CAMTA1: variants seen among roughly 807,000 people sequenced by gnomAD.
CAMTA1 encodes the protein calmodulin-binding transcription activator 1.
CAMTA1 carries 27 observed loss-of-function variants against 170.9 expected under a neutral mutation model. That is an observed-to-expected ratio of 0.16 (90% CI 0.12 to 0.22). CAMTA1 has a LOEUF of 0.22. Ranked by LOEUF, CAMTA1 falls within the 10% of genes least tolerant of loss-of-function variation. The pLI is 1.00. For synonymous variants in CAMTA1, 833 were observed against 891.5 expected, an observed-to-expected ratio of 0.93 and a Z score of 1.17; for missense variants, 1,619 against 2,217.2, an observed-to-expected ratio of 0.73 and a Z score of 5.42.
intron 6 of CAMTA1, among the ~76,000 whole-genome samples, chr1:7,612,949 C>T (rs1227460787): frequency 6.6e-6 from 1 of 152,246 alleles, no homozygotes; most frequent in Non-Finnish European, 1.5e-5. Flanking sequence ...CCCCATCACC[C>T]TGTGGGTTGG....
At position 7,463,580 on chromosome 1, in the gene CAMTA1, G is replaced by A. The variant is rs1377071613; in HGVS notation, c.439-4250G>A. On this transcript the variant is annotated intron_variant, in intron 5 of 22. Coordinates refer to ENST00000303635, the MANE Select transcript of CAMTA1 (RefSeq NM_015215.4). The surrounding 1 kb of genome is among the most constrained non-coding windows in gnomAD (Gnocchi z 4.7). The stretch of plus-strand genomic sequence containing the variant: ...AAGATGAGACAGATACAGAGATAGA[G>A]AAAGATAGAGACGGAAGAAGAGAGA... Among the ~76,000 whole-genome samples, 1 of 152,138 alleles carries A rather than the reference G, an allele frequency of 6.6e-6. No homozygotes were observed. The highest frequency in any genetic ancestry group is 1.5e-5 in the Non-Finnish European group (1 of 68,036).
chr1:7,135,348 A>C (rs570343783), intron 4 of CAMTA1, among the ~76,000 whole-genome samples: 16 of 152,328 alleles, frequency 1.1e-4, no homozygotes, highest in Admixed American at 8.5e-4. Context: ...AGATTGTGCC[A>C]CTGCACTCCA....
intron 3 of CAMTA1, among the ~76,000 whole-genome samples, chr1:6,844,318 A>G (rs1289190172): frequency 6.6e-6 from 1 of 152,118 alleles, no homozygotes; most frequent in African/African-American, 2.4e-5. Flanking sequence ...GCACACATAC[A>G]CACAAATATA....
intron 6 of CAMTA1, among the ~76,000 whole-genome samples, chr1:7,503,609 G>A (rs772991474): frequency 2.0e-5 from 3 of 152,220 alleles, no homozygotes; most frequent in Admixed American, 6.5e-5. Flanking sequence ...AGGCCTGACA[G>A]TGGCCAGGCT....
At chr1:7,637,793 C>T (rs1263533138) in intron 6 of CAMTA1, among the ~76,000 whole-genome samples, 1 of 152,150 alleles carries the variant, frequency 6.6e-6, no homozygotes, top group East Asian at 1.9e-4. Context: ...CCTGCCCTGC[C>T]CTACCCTGCC....
intron 6 of CAMTA1, among the ~76,000 whole-genome samples, chr1:7,484,652 G>T (rs2093592495): frequency 6.6e-6 from 1 of 152,180 alleles, no homozygotes; most frequent in African/African-American, 2.4e-5. Flanking sequence ...AGCCAGGCAT[G>T]GTGGTGGACA....
At chr1:7,256,084 G>A (rs1267022154) in intron 5 of CAMTA1, among the ~76,000 whole-genome samples, 1 of 152,148 alleles carries the variant, frequency 6.6e-6, no homozygotes, top group Non-Finnish European at 1.5e-5. Flanking sequence ...ATACTAACAA[G>A]TTAAAACTTA....
intron 4 of CAMTA1, among the ~76,000 whole-genome samples, chr1:7,178,996 G>A (rs1197453135): frequency 6.6e-6 from 1 of 152,222 alleles, no homozygotes; most frequent in Non-Finnish European, 1.5e-5. Flanking sequence ...CAGGATTCAT[G>A]TATACTTATT....
chr1:7,630,618 T>G (rs1431638552), intron 6 of CAMTA1, among the ~76,000 whole-genome samples: 1 of 152,206 alleles, frequency 6.6e-6, no homozygotes, highest in East Asian at 1.9e-4. Context: ...CCAGCCTCCC[T>G]CCAAAGCAGG....
At chr1:6,853,239 A>G (rs1661091833) in intron 3 of CAMTA1, 3 of 152,218 alleles carry the variant, frequency 2.0e-5, no homozygotes, top group Admixed American at 2.0e-4. Context: ...GTGGTTTAAA[A>G]TACACATAGA....
chr1:7,584,794 C>T lies in CAMTA1; in HGVS notation c.511-55606C>T, dbSNP rs896458175. 2.0e-5 allele frequency among the ~76,000 whole-genome samples: 3 copies of T among 152,154 alleles called. No individual in the cohort carries two copies. In the East Asian group the frequency reaches 5.8e-4, roughly 29 times the overall value. On this transcript the variant is annotated intron_variant, in intron 6 of 22. Coordinates refer to ENST00000303635, the MANE Select transcript of CAMTA1 (RefSeq NM_015215.4). ...ATCTGGCAGTGTCTGGAGATGCTAT[C>T]GGTTGTCACAGCTGAGGGTGGGGCT...
chr1:7,052,923 C>T (rs371225945), intron 3 of CAMTA1, among the ~76,000 whole-genome samples: 40 of 152,344 alleles, frequency 2.6e-4, no homozygotes, highest in African/African-American at 9.1e-4. Context: ...CCGCACTCCT[C>T]GCAGCTGCTG....
At chr1:7,028,842 G>A (rs1259720047) in intron 3 of CAMTA1, among the ~76,000 whole-genome samples, 1 of 152,226 alleles carries the variant, frequency 6.6e-6, no homozygotes, top group African/African-American at 2.4e-5. Context: ...GGAGCAGAGA[G>A]ACAATACGCA....
At chr1:7,688,470 G>C (rs754988157) in intron 11 of CAMTA1, among the ~76,000 whole-genome samples, 14 of 152,126 alleles carry the variant, frequency 9.2e-5, no homozygotes, top group Non-Finnish European at 1.8e-4. Context: ...CCTTTACTGG[G>C]ATTGGGCTCC....
intron 4 of CAMTA1, among the ~76,000 whole-genome samples, chr1:7,182,379 A>G (rs1652355744): frequency 6.6e-6 from 1 of 151,998 alleles, no homozygotes; most frequent in Non-Finnish European, 1.5e-5. Context: ...TGTCTCTACT[A>G]AAAATACAAA....
intron 5 of CAMTA1, among the ~76,000 whole-genome samples, chr1:7,330,799 T>A (rs1159294299): frequency 6.6e-6 from 1 of 152,190 alleles, no homozygotes; most frequent in African/African-American, 2.4e-5. Context: ...AGGGAATGGA[T>A]ATGACAGTGA....
intron 4 of CAMTA1, among the ~76,000 whole-genome samples, chr1:7,096,071 C>T (rs939358185): frequency 1.3e-5 from 2 of 152,180 alleles, no homozygotes; most frequent in Non-Finnish European, 2.9e-5. Flanking sequence ...ATAGCACCTC[C>T]ACATGGAAGC....
At chr1:6,910,290 G>A (rs534778972) in intron 3 of CAMTA1, among the ~76,000 whole-genome samples, 111 of 152,360 alleles carry the variant, frequency 7.3e-4, no homozygotes, top group Non-Finnish European at 1.1e-3. Context: ...TAGGTGACCT[G>A]CTGGTTTGAA....
chr1:7,729,114 C>CTTTTTTTTTTTTTTT lies in CAMTA1; in HGVS notation c.2915-3325_2915-3324insTTTTTTTTTTTTTTT, dbSNP rs146252158. On this transcript the variant is annotated intron_variant, in intron 11 of 22. Coordinates refer to ENST00000303635, the MANE Select transcript of CAMTA1 (RefSeq NM_015215.4). ...TTTATTAGAAATTAATATGAGGAAT[C>CTTTTTTTTTTTTTTT]TTTTTTTTTCTTTTTTTTTTGAGAC... 2.8e-5 allele frequency among the ~76,000 whole-genome samples: 4 copies of CTTTTTTTTTTTTTTT among 142,278 alleles called. 1 individual carries two copies. Among genetic ancestry groups the CTTTTTTTTTTTTTTT allele is most frequent in the African/African-American group, 2.6e-5 (1 of 39,154 alleles). 93.3% of individuals were successfully genotyped at this position (142,278 alleles called of 152,430 possible). A position where few individuals can be genotyped will look rare whatever the true frequency, so the allele number is the denominator to read the frequency against.
Sources: gnomAD v4.1 joint callset for allele counts (sites outside exome capture counted in the v4.1 genomes callset) on GRCh38, gnomAD v4.1.1 for gene constraint, Gnocchi (gnomAD v3.1) non-coding constraint, MANE v1.5 for transcripts, NCBI Gene and HGNC (gene_info 2026-07-23, HGNC 2026-07-21) for gene names.